Variants in KCND2 observed in about 807,000 individuals in gnomAD.
KCND2 encodes the protein potassium voltage-gated channel subfamily D member 2, also known as A-type voltage-gated potassium channel KCND2.
KCND2 carries 16 observed loss-of-function variants against 54.4 expected under a neutral mutation model. That is an observed-to-expected ratio of 0.29 (90% CI 0.20 to 0.45). The LOEUF (loss-of-function observed/expected upper bound fraction) is 0.45. KCND2 is among the 20% of genes least tolerant of loss of function. The probability of loss-of-function intolerance (pLI) is 1.00; values close to 1 mark genes in which losing one functional copy is unlikely to be tolerated. For synonymous variants in KCND2, 317 were observed against 310.7 expected, an observed-to-expected ratio of 1.02 and a Z score of -0.21; for missense variants, 486 against 824.2, an observed-to-expected ratio of 0.59 and a Z score of 5.02.
chr7:120,321,059 CT>C (rs1464606642), intron 1 of KCND2, among the ~76,000 whole-genome samples: 1 of 152,042 alleles, frequency 6.6e-6, no homozygotes, highest in Non-Finnish European at 1.5e-5. Flanking sequence ...AAATGCTAAC[CT>C]TTTTTTCCTG....
At chr7:120,458,123 TC>T (rs1205651964) in intron 1 of KCND2, among the ~76,000 whole-genome samples, 1 of 152,164 alleles carries the variant, frequency 6.6e-6, no homozygotes, top group African/African-American at 2.4e-5. Context: ...ACCAAGCATG[TC>T]CCTAAGCTGC....
intron 1 of KCND2, among the ~76,000 whole-genome samples, chr7:120,680,414 A>G (rs952985054): frequency 6.6e-6 from 1 of 152,164 alleles, no homozygotes; most frequent in Non-Finnish European, 1.5e-5. Context: ...CCATGAGGGC[A>G]ACAACTGTTT....
chr7:120,732,247 G>A (rs1345429962), intron 1 of KCND2, among the ~76,000 whole-genome samples: 2 of 152,100 alleles, frequency 1.3e-5, no homozygotes, highest in South Asian at 2.1e-4. Flanking sequence ...AAAAAAGATG[G>A]AGAAGTGGTA....
intron 1 of KCND2, among the ~76,000 whole-genome samples, chr7:120,286,764 C>T (rs1380382731): frequency 6.6e-6 from 1 of 152,028 alleles, no homozygotes; most frequent in Non-Finnish European, 1.5e-5. Context: ...AATCTTATGA[C>T]TCTATCAGAC....
chr7:120,578,270 G>A (rs1001652501), intron 1 of KCND2, among the ~76,000 whole-genome samples: 1 of 151,964 alleles, frequency 6.6e-6, no homozygotes, highest in Non-Finnish European at 1.5e-5. Context: ...CCTGGGTAAT[G>A]TAGCAAGACC....
At chr7:120,472,946 AAAAT>A (rs1562848420) in intron 1 of KCND2, among the ~76,000 whole-genome samples, 1 of 152,232 alleles carries the variant, frequency 6.6e-6, no homozygotes, top group East Asian at 1.9e-4. Flanking sequence ...AACAGAAACT[AAAAT>A]AAAATTCACC....
In KCND2 at chr7:120,532,322, CAATG is replaced by C. The variant is rs550746830; in HGVS notation, c.1116-200578_1116-200575del. Among the ~76,000 whole-genome samples the C allele has an allele frequency of 2.9e-3, 438 of 151,908 alleles. 3 individuals are homozygous for C. Among genetic ancestry groups the C allele is most frequent in the African/African-American group, 0.01 (423 of 41,488 alleles). ...ATATAAACAAGTTTTAAAGAATAGACAATGAACTTTAAAATCAGTTAAACCTATA... is the reference window on the plus strand; with the variant it reads ...ATATAAACAAGTTTTAAAGAATAGACAACTTTAAAATCAGTTAAACCTATA... On this transcript the variant is annotated intron_variant, in intron 1 of 5. Coordinates refer to ENST00000331113, the MANE Select transcript of KCND2 (RefSeq NM_012281.3).
chr7:120,523,441 T>A (rs1181804566), intron 1 of KCND2, among the ~76,000 whole-genome samples: 2 of 150,478 alleles, frequency 1.3e-5, no homozygotes, highest in Non-Finnish European at 3.0e-5. Flanking sequence ...AGGTAGTTTT[T>A]TAAATGGACT....
intron 1 of KCND2, among the ~76,000 whole-genome samples, chr7:120,613,740 CAGG>C (rs1016965326): frequency 4.6e-5 from 7 of 152,192 alleles, no homozygotes; most frequent in African/African-American, 1.4e-4. Context: ...TTGTCATTTT[CAGG>C]AGTAGTCCTA....
At chr7:120,378,132 TG>T (rs1406110845) in intron 1 of KCND2, among the ~76,000 whole-genome samples, 1 of 151,964 alleles carries the variant, frequency 6.6e-6, no homozygotes, top group African/African-American at 2.4e-5. Context: ...CTTTTCTGTA[TG>T]TATATACGTG....
At chr7:120,484,991 A>G (rs1802673155) in intron 1 of KCND2, among the ~76,000 whole-genome samples, 1 of 152,060 alleles carries the variant, frequency 6.6e-6, no homozygotes, top group African/African-American at 2.4e-5. Flanking sequence ...GACTCAAGTG[A>G]TCCTCCTGCC....
chr7:120,493,164 A>G lies in KCND2; in HGVS notation c.1115+217417A>G, dbSNP rs1416582423. ...GACCATAGTAATATATGTATAAATA[A>G]TTCTTATCTATATATTAGATATATA... On this transcript the variant is annotated intron_variant, in intron 1 of 5. Transcript: ENST00000331113. Among the ~76,000 whole-genome samples, 4 of 151,184 alleles carry G rather than the reference A, an allele frequency of 2.6e-5. No individual in the cohort carries two copies. In the East Asian group the frequency reaches 7.8e-4, roughly 29 times the overall value.
chr7:120,745,974 A>G lies in KCND2; in HGVS notation c.1662A>G (p.Gln554=), dbSNP rs149174897. ...CAGGAAGCCATCAAGGTAGTATACA[A>G]GAACTCAGCACGATTCAGATCAGAT... ...NVSGSHQGSI[Q]ELSTIQIRCV... Residue 554 remains glutamine, a synonymous_variant, in exon 5 of 6, where the codon CAA becomes CAG. Coordinates refer to ENST00000331113, the MANE Select transcript of KCND2 (RefSeq NM_012281.3). 6.1e-5 allele frequency: 98 copies of G among 1,613,866 alleles called. No individual in the cohort carries two copies. The highest frequency in any genetic ancestry group is 8.1e-5 in the Non-Finnish European group (96 of 1,179,802).
At chr7:120,320,385 C>G (rs1003579191) in intron 1 of KCND2, among the ~76,000 whole-genome samples, 1 of 152,056 alleles carries the variant, frequency 6.6e-6, no homozygotes, top group African/African-American at 2.4e-5. Flanking sequence ...CAGGGACTAG[C>G]AGATGTGAAA....
chr7:120,339,258 T>A (rs1489417531), intron 1 of KCND2, among the ~76,000 whole-genome samples: 1 of 151,964 alleles, frequency 6.6e-6, no homozygotes, highest in Admixed American at 6.6e-5. Flanking sequence ...TTCAATTTTC[T>A]CATTGCAAAC....
At chr7:120,403,335 T>C (rs2116086258) in intron 1 of KCND2, among the ~76,000 whole-genome samples, 1 of 151,590 alleles carries the variant, frequency 6.6e-6, no homozygotes, top group South Asian at 2.1e-4. Context: ...TTTTCTTTTA[T>C]AGACAGAGTC....
At chr7:120,338,631 A>G (rs1800187167) in intron 1 of KCND2, among the ~76,000 whole-genome samples, 1 of 152,134 alleles carries the variant, frequency 6.6e-6, no homozygotes, top group Non-Finnish European at 1.5e-5. Flanking sequence ...GAGAAAACTT[A>G]CAAAATAATT....
chr7:120,689,777 C>T (rs867112075), intron 1 of KCND2, among the ~76,000 whole-genome samples: 1 of 152,168 alleles, frequency 6.6e-6, no homozygotes, highest in Non-Finnish European at 1.5e-5. Flanking sequence ...ATACTGCCTA[C>T]TGAAGAGGCA....
rs1020225314 is a variant in KCND2 at position 120,299,798 on chromosome 7, C to T, written c.1115+24051C>T. On this transcript the variant is annotated intron_variant, in intron 1 of 5. Transcript: ENST00000331113. ...TGAAAAGATTTCTTGGTAGTTTCCA[C>T]ATAAAATTATTTTTTTCCAAGCCTG... Among the ~76,000 whole-genome samples the T allele has an allele frequency of 5.9e-5, 9 of 152,112 alleles. 1 individual carries two copies. Among genetic ancestry groups the T allele is most frequent in the African/African-American group, 2.2e-4 (9 of 41,434 alleles).
Sources: gnomAD v4.1 joint callset for allele counts (sites outside exome capture counted in the v4.1 genomes callset) on GRCh38, gnomAD v4.1.1 for gene constraint, MANE v1.5 for transcripts, NCBI Gene and HGNC (gene_info 2026-07-23, HGNC 2026-07-21) for gene names.